RPS6KA2: variants seen among roughly 807,000 people sequenced by gnomAD.
RPS6KA2 encodes the protein ribosomal protein S6 kinase A2, also known as ribosomal protein S6 kinase alpha-2.
RPS6KA2 carries 42 observed loss-of-function variants against 91.8 expected under a neutral mutation model. That is an observed-to-expected ratio of 0.46 (90% CI 0.36 to 0.59). RPS6KA2 has a LOEUF of 0.59. Among genes scored for constraint, RPS6KA2 ranks in the 20% least tolerant of loss-of-function variants. The probability of loss-of-function intolerance (pLI) is 0.00; values close to 1 mark genes in which losing one functional copy is unlikely to be tolerated. For missense variants in RPS6KA2, 798 were observed against 978.5 expected (o/e 0.82, Z 2.46); for synonymous variants, 414 against 393.6 (o/e 1.05, Z -0.61).
chr6:166,461,228 T>C (rs976982130), intron 11 of RPS6KA2, among the ~76,000 whole-genome samples: 4 of 152,160 alleles, frequency 2.6e-5, no homozygotes, highest in Non-Finnish European at 5.9e-5. Flanking sequence ...TAGATTTCAT[T>C]AGCACCGAGT....
At position 166,433,463 on chromosome 6, in the gene RPS6KA2, G is replaced by A. The variant is rs192777303; in HGVS notation, c.1333-973C>T. On this transcript the variant is annotated intron_variant, in intron 14 of 20. Transcript: ENST00000265678. This position sits in a 1 kb window ranked among gnomAD's most constrained non-coding sequence, Gnocchi z 4.4. ...ATCCCTCTGGAGGTGCCTAAGTCCCGCCCTTGCCGCCCCTGCTGTGGGGAC... is the reference window on the plus strand; with the variant it reads ...ATCCCTCTGGAGGTGCCTAAGTCCCACCCTTGCCGCCCCTGCTGTGGGGAC... 4.8e-4 allele frequency among the ~76,000 whole-genome samples: 73 copies of A among 152,276 alleles called. 1 individual carries two copies. Among genetic ancestry groups the A allele is most frequent in the Admixed American group, 1.2e-3 (19 of 15,300 alleles).
At position 166,852,177 on chromosome 6, in the gene RPS6KA2, A is replaced by G. The variant is rs1780761146; in HGVS notation, c.123+6023T>C. Among the ~76,000 whole-genome samples the G allele has an allele frequency of 6.6e-6, 1 of 152,222 alleles. No individual in the cohort carries two copies. Among genetic ancestry groups the G allele is most frequent in the Non-Finnish European group, 1.5e-5 (1 of 68,036 alleles). On this transcript the variant is annotated intron_variant, in intron 2 of 21. Coordinates refer to the RPS6KA2 transcript ENST00000503859. The surrounding 1 kb of genome is among the most constrained non-coding windows in gnomAD (Gnocchi z 4.1). ...ATTCTTGTCTGCTGGACAGAGAAACAGTAAGAAATACAAATGCAAATAGAC... is the reference window on the plus strand; with the variant it reads ...ATTCTTGTCTGCTGGACAGAGAAACGGTAAGAAATACAAATGCAAATAGAC...
At chr6:166,837,680 T>G (rs1264842924) in intron 2 of RPS6KA2, among the ~76,000 whole-genome samples, 3 of 152,156 alleles carry the variant, frequency 2.0e-5, no homozygotes, top group Non-Finnish European at 2.9e-5. Flanking sequence ...GGCTGTGTCT[T>G]CCACCCGCCC....
At chr6:166,725,663 G>A (rs2128586696) in intron 2 of RPS6KA2, among the ~76,000 whole-genome samples, 1 of 152,368 alleles carries the variant, frequency 6.6e-6, no homozygotes, top group African/African-American at 2.4e-5. Flanking sequence ...GGGGTGGGGT[G>A]GGCCCACGGG....
chr6:166,726,016 A>G lies in RPS6KA2; in HGVS notation c.123+132184T>C, dbSNP rs138823911. ...ACGCCCCAGAAGCTGATCAGAAAAG[A>G]TTGTTTTCAGGCCAAGAGTAAGATG... On this transcript the variant is annotated intron_variant, in intron 2 of 21. Coordinates refer to the RPS6KA2 transcript ENST00000503859. The surrounding 1 kb of genome is among the most constrained non-coding windows in gnomAD (Gnocchi z 4.4). 3.1e-3 allele frequency among the ~76,000 whole-genome samples: 475 copies of G among 152,304 alleles called. 1 individual carries two copies. The highest frequency in any genetic ancestry group is 0.01 in the African/African-American group (436 of 41,578).
intron 1 of RPS6KA2, among the ~76,000 whole-genome samples, chr6:166,616,498 C>A (rs1430742171): frequency 6.6e-6 from 1 of 152,218 alleles, no homozygotes; most frequent in Non-Finnish European, 1.5e-5. Flanking sequence ...ACATACATGA[C>A]GGTACAGTTG....
chr6:166,430,247 T>C (rs561932790), intron 16 of RPS6KA2, among the ~76,000 whole-genome samples: 6 of 152,160 alleles, frequency 3.9e-5, no homozygotes, highest in Admixed American at 3.9e-4. Context: ...GGATTACAGG[T>C]GTGAGCCACT....
Position 166,626,938 on chromosome 6 carries a change from TG to T in RPS6KA2, c.81del (p.Ser28AlafsTer2). 1 of 1,549,438 alleles carries T rather than the reference TG, an allele frequency of 6.5e-7. No homozygotes were observed. On this transcript the variant is annotated frameshift_variant, in exon 1 of 21. Transcript: ENST00000265678. LOFTEE classifies it high-confidence loss of function. The surrounding 1 kb of genome is among the most constrained non-coding windows in gnomAD (Gnocchi z 4.1). ...CGCATTACCTCGAGCCGGCTCAGGC[TG>T]GAGCTCTTGGAGCGCGACTTCCTGC... ...YLRRKSRSKS[S>X]SLSRLEEEGV...
intron 6 of RPS6KA2, among the ~76,000 whole-genome samples, chr6:166,503,376 C>T (rs1228558253): frequency 6.6e-6 from 1 of 152,260 alleles, no homozygotes; most frequent in East Asian, 1.9e-4. Context: ...CCATAGATGA[C>T]AGCTGCATCT....
At chr6:166,577,009 C>T (rs968738339) in intron 1 of RPS6KA2, among the ~76,000 whole-genome samples, 1 of 152,184 alleles carries the variant, frequency 6.6e-6, no homozygotes, top group African/African-American at 2.4e-5. Flanking sequence ...CTAAAAGGGG[C>T]CAAGGTACAG....
chr6:166,805,456 A>C (rs2128618994), intron 2 of RPS6KA2, among the ~76,000 whole-genome samples: 1 of 152,244 alleles, frequency 6.6e-6, no homozygotes, highest in African/African-American at 2.4e-5. Context: ...CCCCTCCCCC[A>C]ACTTGGGGGC....
At chr6:166,671,627 C>T (rs1432084247) in intron 2 of RPS6KA2, among the ~76,000 whole-genome samples, 2 of 152,194 alleles carry the variant, frequency 1.3e-5, no homozygotes, top group South Asian at 2.1e-4. Context: ...AATCTGACAG[C>T]GAGCTGCCGT....
At chr6:166,624,737 T>A (rs1249109909) in intron 1 of RPS6KA2, among the ~76,000 whole-genome samples, 1 of 152,120 alleles carries the variant, frequency 6.6e-6, no homozygotes, top group African/African-American at 2.4e-5. Flanking sequence ...CCCTTAGCAA[T>A]AGAATGAGGA....
At chr6:166,842,678 C>G (rs1014120033) in intron 2 of RPS6KA2, among the ~76,000 whole-genome samples, 1 of 152,232 alleles carries the variant, frequency 6.6e-6, no homozygotes. Context: ...CGTCCCACAA[C>G]TTGTGTCTCC....
intron 2 of RPS6KA2, among the ~76,000 whole-genome samples, chr6:166,536,327 C>T (rs1467703854): frequency 6.6e-6 from 1 of 152,196 alleles, no homozygotes; most frequent in Non-Finnish European, 1.5e-5. Context: ...GTCCTTCTGT[C>T]CCTGGTAGGT....
chr6:166,473,640 C>T (rs1020122360), intron 10 of RPS6KA2, among the ~76,000 whole-genome samples: 3 of 152,178 alleles, frequency 2.0e-5, no homozygotes, highest in Non-Finnish European at 4.4e-5. Flanking sequence ...TGCATTGTGT[C>T]TGTATATCCA....
chr6:166,416,745 A>G (rs1468149052), intron 19 of RPS6KA2, among the ~76,000 whole-genome samples: 1 of 149,764 alleles, frequency 6.7e-6, no homozygotes, highest in Non-Finnish European at 1.5e-5. Context: ...AATCACCTCC[A>G]TCATCACTCC....
At chr6:166,619,920 C>A (rs1475804298) in intron 1 of RPS6KA2, among the ~76,000 whole-genome samples, 1 of 152,202 alleles carries the variant, frequency 6.6e-6, no homozygotes, top group East Asian at 1.9e-4. Context: ...CATAACCATT[C>A]CAAAACAAAG....
rs1446468936 is a variant in RPS6KA2 at position 166,647,936 on chromosome 6, G to A, written c.124-109152C>T. 1.6e-5 allele frequency among the ~76,000 whole-genome samples: 2 copies of A among 123,542 alleles called. 1 individual carries two copies. The highest frequency in any genetic ancestry group is 6.3e-5 in the African/African-American group (2 of 31,964). The allele number at this position is 123,542 out of a possible 152,430, so 81.0% of individuals were successfully genotyped here. On this transcript the variant is annotated intron_variant, in intron 2 of 21. Coordinates refer to the RPS6KA2 transcript ENST00000503859. Reference sequence around the variant, plus strand: ...TGCACATGCTCACACACACGCACATGCTCATACACACACATGCACATGCTT... The same window carrying A: ...TGCACATGCTCACACACACGCACATACTCATACACACACATGCACATGCTT...
Sources: gnomAD v4.1 joint callset for allele counts (sites outside exome capture counted in the v4.1 genomes callset) on GRCh38, gnomAD v4.1.1 for gene constraint, Gnocchi (gnomAD v3.1) non-coding constraint, MANE v1.5 for transcripts, NCBI Gene and HGNC (gene_info 2026-07-23, HGNC 2026-07-21) for gene names.